MED12L: variants seen among roughly 807,000 people sequenced by gnomAD.
The protein encoded by MED12L is mediator of RNA polymerase II transcription subunit 12-like protein.
MED12L carries 60 observed loss-of-function variants against 281.3 expected under a neutral mutation model. That is an observed-to-expected ratio of 0.21 (90% confidence interval 0.17 to 0.26). MED12L has a LOEUF of 0.26. Among genes scored for constraint, MED12L ranks in the 10% least tolerant of loss-of-function variants. The pLI is 1.00. For missense variants in MED12L, 2,146 were observed against 2,680.9 expected (o/e 0.80, Z 4.41); for synonymous variants, 974 against 987.2 (o/e 0.99, Z 0.25).
intron 34 of MED12L, 68 bp downstream of exon 34, chr3:151,383,956 G>T: frequency 6.7e-7 from 1 of 1,498,346 alleles, no homozygotes; most frequent in East Asian, 2.3e-5. Flanking sequence ...ATATACTGAT[G>T]GCGATTTCTG....
At chr3:151,156,072 C>A in intron 5 of MED12L, 89 bp from the exon 6 acceptor site, 1 of 1,141,350 alleles carries the variant, frequency 8.8e-7, no homozygotes, top group Non-Finnish European at 1.2e-6. Flanking sequence ...ATCAGTACAC[C>A]CTCGAGATAA....
In MED12L at chr3:151,394,882, C is replaced by T; in HGVS notation, c.5820+15C>T. 1 of 1,613,344 alleles carries T rather than the reference C, an allele frequency of 6.2e-7. No homozygotes were observed. Among genetic ancestry groups the T allele is most frequent in the Non-Finnish European group, 8.5e-7 (1 of 1,179,962 alleles). ...CTTTCCAACAGGTTTGTCCAGACCC[C>T]AGCAATGGAGTCCTTTGCATTTTAT... is the stretch of plus-strand genomic sequence containing the variant. On this transcript the variant is annotated intron_variant, in intron 39 of 44. Coordinates refer to ENST00000687756, the MANE Select transcript of MED12L (RefSeq NM_001393769.1).
intron 16 of MED12L, among the ~76,000 whole-genome samples, chr3:151,206,358 A>G (rs1415381954): frequency 6.6e-6 from 1 of 151,972 alleles, no homozygotes; most frequent in Non-Finnish European, 1.5e-5. Context: ...GAACTCAGTT[A>G]AAAGAATGGC....
intron 5 of MED12L, among the ~76,000 whole-genome samples, chr3:151,129,347 A>G (rs1715011297): frequency 2.6e-5 from 4 of 152,202 alleles, no homozygotes; most frequent in Admixed American, 2.6e-4. Flanking sequence ...GTTAAAAGAA[A>G]TAAGCAAAAA....
chr3:151,239,899 G>C (rs1733731392), intron 16 of MED12L, among the ~76,000 whole-genome samples: 1 of 152,164 alleles, frequency 6.6e-6, no homozygotes, highest in African/African-American at 2.4e-5. Context: ...AAAAATATAT[G>C]AAACTTCCCA....
intron 44 of MED12L, among the ~76,000 whole-genome samples, chr3:151,431,658 T>A (rs76223737): frequency 6.6e-6 from 1 of 152,208 alleles, no homozygotes; most frequent in South Asian, 2.1e-4. Context: ...AAGGCAGATT[T>A]TTTCTTCTAG....
At chr3:151,307,545 G>C (rs923672299) in intron 16 of MED12L, among the ~76,000 whole-genome samples, 1 of 38,686 alleles carries the variant, frequency 2.6e-5, no homozygotes, top group Non-Finnish European at 4.0e-5. Flanking sequence ...GTGTGTGTGT[G>C]TGTGTGTGTG....
At chr3:151,128,496 T>C (rs949924939) in intron 5 of MED12L, among the ~76,000 whole-genome samples, 11 of 147,294 alleles carry the variant, frequency 7.5e-5, no homozygotes, top group African/African-American at 2.2e-4. Flanking sequence ...GCTCCCCCCC[T>C]TCCTGTGATG....
At position 151,332,738 on chromosome 3, in the gene MED12L, A is replaced by AT. The variant is rs10710635; in HGVS notation, c.2251-17311dup. Among the ~76,000 whole-genome samples the AT allele has an allele frequency of 2.5e-3, 381 of 150,918 alleles. 2 individuals carry two copies. Among genetic ancestry groups the AT allele is most frequent in the African/African-American group, 8.3e-3 (341 of 41,084 alleles). On this transcript the variant is annotated intron_variant, in intron 16 of 44. Coordinates refer to ENST00000687756, the MANE Select transcript of MED12L (RefSeq NM_001393769.1). ...ATGTTAGTACATGTAGACTGACGTG[A>AT]TTTTTTTTTTAACTTTATTTTAGGT...
intron 16 of MED12L, among the ~76,000 whole-genome samples, chr3:151,230,489 T>TA (rs1731437600): frequency 1.3e-5 from 2 of 152,142 alleles, no homozygotes; most frequent in African/African-American, 4.8e-5. Flanking sequence ...CCTTTCTCGT[T>TA]ATACTATACA....
At chr3:151,130,885 C>T (rs1049467016) in intron 5 of MED12L, among the ~76,000 whole-genome samples, 1 of 152,098 alleles carries the variant, frequency 6.6e-6, no homozygotes, top group Non-Finnish European at 1.5e-5. Flanking sequence ...ACATCCACTC[C>T]CAAGTACAAC....
intron 4 of MED12L, 89 bp from the exon 5 acceptor site, chr3:151,127,736 T>G: frequency 1.1e-6 from 1 of 912,932 alleles, no homozygotes; most frequent in Non-Finnish European, 1.6e-6. Flanking sequence ...ACTTACAGAC[T>G]CTTTCTTTTG....
Position 151,376,763 on chromosome 3 carries a change from A to T in MED12L, c.4054-37A>T. ...AAATTACTGTATTTTAACACATTTG[A>T]TACCCATAATGTTTTAATTCTTTCC... On this transcript the variant is annotated intron_variant, in intron 28 of 44. Coordinates refer to ENST00000687756, the MANE Select transcript of MED12L (RefSeq NM_001393769.1). 4.0e-6 allele frequency: 6 copies of T among 1,506,418 alleles called. No homozygotes were observed. In the East Asian group the frequency reaches 9.0e-5, roughly 23 times the overall value. The allele number at this position is 1,506,418 out of a possible 1,614,324, so 93.3% of individuals were successfully genotyped here. A position where few individuals can be genotyped will look rare whatever the true frequency, so the allele number is the denominator to read the frequency against.
intron 8 of MED12L, among the ~76,000 whole-genome samples, chr3:151,161,067 T>G (rs561549515): frequency 1.7e-3 from 252 of 152,340 alleles, no homozygotes; most frequent in African/African-American, 5.9e-3. Flanking sequence ...GTGGGCCTTA[T>G]GATTGAGGTG....
intron 3 of MED12L, among the ~76,000 whole-genome samples, chr3:151,118,684 A>G (rs929520904): frequency 7.3e-6 from 1 of 136,266 alleles, no homozygotes; most frequent in Admixed American, 7.6e-5. Context: ...TTCCAGGTTT[A>G]TATTCCTCTC....
At chr3:151,191,356 T>C (rs970795697) in intron 14 of MED12L, among the ~76,000 whole-genome samples, 3 of 152,260 alleles carry the variant, frequency 2.0e-5, no homozygotes, top group Admixed American at 6.5e-5. Flanking sequence ...TTATTCATAA[T>C]GGGAAATTCT....
At chr3:151,168,153 A>C (rs2148992240) in intron 11 of MED12L, among the ~76,000 whole-genome samples, 1 of 152,312 alleles carries the variant, frequency 6.6e-6, no homozygotes, top group East Asian at 1.9e-4. Flanking sequence ...AATCTTTCTG[A>C]ATGAAATCAC....
intron 16 of MED12L, among the ~76,000 whole-genome samples, chr3:151,286,482 T>C (rs148221714): frequency 1.8e-4 from 27 of 152,308 alleles, no homozygotes; most frequent in Admixed American, 9.8e-4. Context: ...CTCAGAAAAC[T>C]GTTCTCCATG....
chr3:151,186,653 C>T (rs1723324257), intron 12 of MED12L, among the ~76,000 whole-genome samples: 1 of 152,194 alleles, frequency 6.6e-6, no homozygotes, highest in South Asian at 2.1e-4. Context: ...ACCTTCCTTT[C>T]CAGCATTCCT....
Sources: gnomAD v4.1 joint callset for allele counts (sites outside exome capture counted in the v4.1 genomes callset) on GRCh38, gnomAD v4.1.1 for gene constraint, MANE v1.5 for transcripts, NCBI Gene and HGNC (gene_info 2026-07-23, HGNC 2026-07-21) for gene names.